GUCY2F: variants seen among roughly 807,000 people sequenced by gnomAD.
The protein encoded by GUCY2F is guanylate cyclase 2F, retinal.
Under a neutral mutation model 73.1 loss-of-function variants are expected in GUCY2F, and 61 were observed. The observed-to-expected ratio is 0.83, with a 90% CI of 0.68 to 1.03. The LOEUF is 1.03. Ranked by LOEUF, GUCY2F falls within the 50% of genes least tolerant of loss-of-function variation. GUCY2F has a pLI of 0.00. For missense variants in GUCY2F, 912 were observed against 854.3 expected, an observed-to-expected ratio of 1.07 and a Z score of -0.84; for synonymous variants, 331 against 307.8, an observed-to-expected ratio of 1.08 and a Z score of -0.79.
In GUCY2F at chrX:109,392,886, A is replaced by G; in HGVS notation, c.2588+6T>C. On this transcript the variant is annotated splice_donor_region_variant and intron_variant, in intron 13 of 19. Transcript: ENST00000218006. ...GGATTCACACTCCTCAGGTGTTCTCACATACGGTGGTAGCATCTGTGTTAG... is the reference window on the plus strand; with the variant it reads ...GGATTCACACTCCTCAGGTGTTCTCGCATACGGTGGTAGCATCTGTGTTAG... The G allele has an allele frequency of 8.8e-7, 1 of 1,132,712 alleles. No individual in the cohort carries two copies. Among genetic ancestry groups the G allele is most frequent in the South Asian group, 1.8e-5 (1 of 54,843 alleles). The allele number at this position is 1,132,712 out of a possible 1,213,427, so 93.3% of individuals were successfully genotyped here.
chrX:109,417,700 C>G (rs192464032), intron 8 of GUCY2F, among the ~76,000 whole-genome samples: 16 of 110,519 alleles, frequency 1.4e-4, no homozygotes, highest in African/African-American at 4.9e-4. Context: ...AGACAGATTG[C>G]AGAATGGGGA....
intron 16 of GUCY2F, 42 bp downstream of exon 16, chrX:109,385,141 GC>G: frequency 1.6e-6 from 1 of 636,720 alleles, no homozygotes; most frequent in Non-Finnish European, 2.5e-6. Context: ...CTTCTCAATA[GC>G]AGAGTGGTGC....
At position 109,375,902 on chromosome X, in the gene GUCY2F, T is replaced by C. The variant is rs761076975; in HGVS notation, c.3324A>G (p.Pro1108=). 2.5e-6 allele frequency: 3 copies of C among 1,201,157 alleles called. No individual in the cohort carries two copies. The highest frequency in any genetic ancestry group is 3.4e-6 in the Non-Finnish European group (3 of 885,955). ...KAERQLVRNK[P] is the part of the protein sequence containing the mutation. ...TGTTTTCCTCCTGGCCATTACCTTATGGCTTGTTTCTCACCAACTGCCTTT... is the reference window on the plus strand; with the variant it reads ...TGTTTTCCTCCTGGCCATTACCTTACGGCTTGTTTCTCACCAACTGCCTTT... Residue 1108 remains proline, a synonymous_variant, in exon 19 of 20, where the codon CCA becomes CCG. Transcript: ENST00000218006.
intron 8 of GUCY2F, among the ~76,000 whole-genome samples, chrX:109,420,040 C>T (rs1488533009): frequency 9.2e-6 from 1 of 109,065 alleles, no homozygotes; most frequent in East Asian, 2.8e-4. Context: ...AATTTTTCAC[C>T]AAGTTACAAC....
chrX:109,474,067 G>T (rs1932629032), intron 2 of GUCY2F, among the ~76,000 whole-genome samples: 1 of 111,859 alleles, frequency 8.9e-6, no homozygotes, highest in South Asian at 3.7e-4. Flanking sequence ...AACTCCTCTT[G>T]CCCTCATCCT....
intron 7 of GUCY2F, among the ~76,000 whole-genome samples, chrX:109,435,118 T>G (rs1243220025): frequency 9.0e-6 from 1 of 111,603 alleles, no homozygotes; most frequent in East Asian, 2.8e-4. Context: ...GGGCTCTTTT[T>G]TGGTTCCATA....
At chrX:109,468,366 A>G (rs924215759) in intron 2 of GUCY2F, among the ~76,000 whole-genome samples, 4 of 112,337 alleles carry the variant, frequency 3.6e-5, no homozygotes, top group Non-Finnish European at 7.5e-5. Flanking sequence ...TTATGCACAC[A>G]ATGAATGTTG....
chrX:109,481,641 G>A (rs763500981), intron 1 of GUCY2F, among the ~76,000 whole-genome samples: 3 of 111,117 alleles, frequency 2.7e-5, no homozygotes, highest in Non-Finnish European at 3.8e-5. Context: ...GAAACTAAAC[G>A]AAAGCTTGGA....
chrX:109,428,892 T>C, intron 8 of GUCY2F, among the ~76,000 whole-genome samples: 1 of 112,255 alleles, frequency 8.9e-6, no homozygotes, highest in Non-Finnish European at 1.9e-5. Context: ...TTTGAAATTA[T>C]GTCAAAATTA....
At position 109,465,308 on chromosome X, in the gene GUCY2F, G is replaced by C. The variant is rs749939126; in HGVS notation, c.866C>G (p.Pro289Arg). ...GACCCGGTAGGGGGTGTGCTTATAA[G>C]GTAAACTGTAGAGCAGGGCATCATA... ...VPYDALLYSL[P>R]YKHTPYRVLR... Residue 289 changes from proline to arginine, a missense_variant, in exon 3 of 20, where the codon CCT (proline) becomes CGT (arginine). Transcript: ENST00000218006. 6.6e-6 allele frequency: 8 copies of C among 1,208,996 alleles called. No homozygotes were observed. Among genetic ancestry groups the C allele is most frequent in the Non-Finnish European group, 9.0e-6 (8 of 893,210 alleles).
At chrX:109,476,817 ATATATATGTG>A (rs1932709080) in intron 1 of GUCY2F, among the ~76,000 whole-genome samples, 1 of 103,959 alleles carries the variant, frequency 9.6e-6, no homozygotes, top group African/African-American at 4.0e-5. Flanking sequence ...GTGCGTGTGT[ATATATATGTG>A]TATATATATA....
chrX:109,396,535 G>A (rs1343530545), intron 11 of GUCY2F, among the ~76,000 whole-genome samples: 1 of 110,692 alleles, frequency 9.0e-6, no homozygotes, highest in African/African-American at 3.3e-5. Context: ...CCAGGCTCTT[G>A]TCCCTATCTC....
At chrX:109,376,672 T>C (rs944395422) in intron 17 of GUCY2F, among the ~76,000 whole-genome samples, 3 of 112,012 alleles carry the variant, frequency 2.7e-5, no homozygotes, top group African/African-American at 9.7e-5. Flanking sequence ...GCCAAGGGAC[T>C]CTTACAGGTA....
chrX:109,459,026 C>A (rs908014096), intron 3 of GUCY2F, among the ~76,000 whole-genome samples: 1 of 111,124 alleles, frequency 9.0e-6, no homozygotes, highest in African/African-American at 3.3e-5. Flanking sequence ...CACATGCACC[C>A]TTTTGTGACT....
At chrX:109,480,386 T>A (rs1932757627) in intron 1 of GUCY2F, among the ~76,000 whole-genome samples, 1 of 111,485 alleles carries the variant, frequency 9.0e-6, no homozygotes, top group Admixed American at 9.6e-5. Flanking sequence ...AAATAATTAA[T>A]CTCTAATAAT....
intron 8 of GUCY2F, among the ~76,000 whole-genome samples, chrX:109,416,805 C>A (rs1221509590): frequency 1.8e-5 from 2 of 109,762 alleles, no homozygotes; most frequent in Non-Finnish European, 3.8e-5. Context: ...GAAAGCAATA[C>A]CTAGACATTT....
chrX:109,478,978 C>T (rs1390644834), intron 1 of GUCY2F, among the ~76,000 whole-genome samples: 2 of 112,068 alleles, frequency 1.8e-5, no homozygotes, highest in East Asian at 5.6e-4. Flanking sequence ...GTTCCCCAGT[C>T]ACCCATGAAA....
intron 6 of GUCY2F, among the ~76,000 whole-genome samples, chrX:109,445,180 C>T (rs1317014830): frequency 8.9e-6 from 1 of 112,017 alleles, no homozygotes; most frequent in African/African-American, 3.2e-5. Context: ...CATAGAGGCA[C>T]ACCTTTAATG....
At chrX:109,373,895 T>C (rs1930116510) in intron 19 of GUCY2F, among the ~76,000 whole-genome samples, 2 of 112,468 alleles carry the variant, frequency 1.8e-5, no homozygotes, top group South Asian at 7.3e-4. Context: ...AGGTGACGTG[T>C]AGGGCCCTGC....
Sources: gnomAD v4.1 joint callset for allele counts (sites outside exome capture counted in the v4.1 genomes callset) on GRCh38, gnomAD v4.1.1 for gene constraint, MANE v1.5 for transcripts, NCBI Gene and HGNC (gene_info 2026-07-23, HGNC 2026-07-21) for gene names.